Variants in KSR2 observed in about 807,000 individuals in gnomAD.
KSR2 encodes kinase suppressor of ras 2.
A neutral mutation model predicts 107.8 loss-of-function variants in KSR2; 25 were observed. The ratio of observed to expected loss-of-function variants is 0.23; its 90% CI spans 0.17 to 0.32. The LOEUF is 0.32. Among genes scored for constraint, KSR2 ranks in the 10% least tolerant of loss-of-function variants. KSR2 has a pLI of 1.00. For synonymous variants in KSR2, 480 were observed against 507.0 expected (o/e 0.95, Z 0.71); for missense variants, 887 against 1,268.9 (o/e 0.70, Z 4.57).
chr12:117,560,330 T>G (rs935450248), intron 7 of KSR2, among the ~76,000 whole-genome samples: 2 of 151,958 alleles, frequency 1.3e-5, no homozygotes, highest in African/African-American at 4.8e-5. Flanking sequence ...TTTCCCCAGT[T>G]TTTCTCTTGT....
chr12:117,721,413 T>C (rs1342368247), intron 4 of KSR2, among the ~76,000 whole-genome samples: 1 of 152,230 alleles, frequency 6.6e-6, no homozygotes, highest in Non-Finnish European at 1.5e-5. Context: ...GTCAGAATAA[T>C]ACTATTAATG....
At chr12:117,809,187 C>T (rs1013038521) in intron 3 of KSR2, among the ~76,000 whole-genome samples, 2 of 152,202 alleles carry the variant, frequency 1.3e-5, no homozygotes, top group African/African-American at 4.8e-5. Flanking sequence ...ATTACCTTAA[C>T]TAATACATCA....
At position 117,582,351 on chromosome 12, in the gene KSR2, A is replaced by G; in HGVS notation, c.1180T>C (p.Ser394Pro). The change falls in exon 6 of 20, where the codon TCA becomes CCA. Residue 394 changes from serine (S) to proline (P), a missense_variant. Coordinates refer to ENST00000339824, the MANE Select transcript of KSR2 (RefSeq NM_173598.6). ...ATCTGCGGGGACCAGCGTGGCACTGACAGTGTGTCTACAGAGAGAAGAGAA... is the reference window on the plus strand; with the variant it reads ...ATCTGCGGGGACCAGCGTGGCACTGGCAGTGTGTCTACAGAGAGAAGAGAA... ...TEANFSANTL[S>P]VPRWSPQIPR... The G allele has an allele frequency of 6.2e-7, 1 of 1,613,592 alleles. No individual in the cohort carries two copies. The highest frequency in any genetic ancestry group is 8.5e-7 in the Non-Finnish European group (1 of 1,179,646).
chr12:117,904,054 T>C (rs1353307467), intron 1 of KSR2, among the ~76,000 whole-genome samples: 2 of 152,062 alleles, frequency 1.3e-5, no homozygotes, highest in East Asian at 3.9e-4. Context: ...GATTCCGTGA[T>C]ATCTTGTCTC....
intron 1 of KSR2, among the ~76,000 whole-genome samples, chr12:117,895,896 T>G (rs1021785381): frequency 6.6e-6 from 1 of 152,126 alleles, no homozygotes; most frequent in African/African-American, 2.4e-5. Flanking sequence ...TCATCTCTAC[T>G]AAAAATACAA....
At chr12:117,668,816 A>C (rs938104084) in intron 4 of KSR2, among the ~76,000 whole-genome samples, 1 of 152,164 alleles carries the variant, frequency 6.6e-6, no homozygotes, top group African/African-American at 2.4e-5. Context: ...AAGCTTCAGG[A>C]AAGTTTGGTT....
intron 1 of KSR2, among the ~76,000 whole-genome samples, chr12:117,913,366 C>G (rs1895080565): frequency 6.6e-6 from 1 of 152,136 alleles, no homozygotes; most frequent in Non-Finnish European, 1.5e-5. Context: ...TCTACCTTTC[C>G]ACATATCTAA....
intron 9 of KSR2, among the ~76,000 whole-genome samples, chr12:117,554,065 A>C (rs1171777488): frequency 6.6e-6 from 1 of 152,224 alleles, no homozygotes; most frequent in East Asian, 1.9e-4. Context: ...ATAGCAATGC[A>C]AATGGACTTA....
At chr12:117,956,882 A>G (rs956431646) in intron 1 of KSR2, among the ~76,000 whole-genome samples, 1 of 152,228 alleles carries the variant, frequency 6.6e-6, no homozygotes, top group African/African-American at 2.4e-5. Context: ...ACATGTGGCA[A>G]GTGGCTGCCA....
At chr12:117,918,816 A>C (rs1385255679) in intron 1 of KSR2, among the ~76,000 whole-genome samples, 1 of 147,868 alleles carries the variant, frequency 6.8e-6, no homozygotes. Flanking sequence ...TATCTTTTAA[A>C]CTTTTTCTGC....
chr12:117,687,319 C>G (rs1405513814), intron 4 of KSR2, among the ~76,000 whole-genome samples: 2 of 152,188 alleles, frequency 1.3e-5, no homozygotes, highest in Non-Finnish European at 2.9e-5. Flanking sequence ...TCTAATAATT[C>G]AGTCGTGGCT....
intron 5 of KSR2, among the ~76,000 whole-genome samples, chr12:117,665,461 T>A (rs1227236706): frequency 1.3e-5 from 2 of 152,102 alleles, no homozygotes; most frequent in African/African-American, 2.4e-5. Flanking sequence ...CATTCACTCA[T>A]AGGATGGCGA....
Position 117,465,933 on chromosome 12 carries a change from C to T in KSR2, c.*1266G>A, listed in dbSNP as rs1871124156. The T allele has an allele frequency of 6.6e-6, 1 of 152,198 alleles. No individual in the cohort carries two copies. Among genetic ancestry groups the T allele is most frequent in the African/African-American group, 2.4e-5 (1 of 41,420 alleles). 9.4% of individuals were successfully genotyped at this position (152,198 alleles called of 1,614,324 possible). A position where few individuals can be genotyped will look rare whatever the true frequency, so the allele number is the denominator to read the frequency against. On this transcript the variant is annotated 3_prime_UTR_variant, in exon 20 of 20. Transcript: ENST00000339824. ...TCCTACAGATACAGAACACCAGGGG[C>T]TTCCCCAACATGGTCAGGAAGAGTC...
intron 5 of KSR2, among the ~76,000 whole-genome samples, chr12:117,647,491 C>A (rs1883704630): frequency 6.6e-6 from 1 of 152,128 alleles, no homozygotes; most frequent in Non-Finnish European, 1.5e-5. Context: ...TGTGGCACGT[C>A]CACGCAAGGC....
At chr12:117,949,743 G>C (rs183088141) in intron 1 of KSR2, among the ~76,000 whole-genome samples, 1 of 152,162 alleles carries the variant, frequency 6.6e-6, no homozygotes. Flanking sequence ...AGAAAAATTG[G>C]TTGATTTAAA....
chr12:117,647,199 AG>A (rs1883687596), intron 5 of KSR2, among the ~76,000 whole-genome samples: 1 of 152,214 alleles, frequency 6.6e-6, no homozygotes. Flanking sequence ...CTCCCTGTTA[AG>A]GTAGGAGAGA....
intron 3 of KSR2, among the ~76,000 whole-genome samples, chr12:117,819,245 G>T (rs1015722986): frequency 1.3e-5 from 2 of 152,106 alleles, no homozygotes; most frequent in Non-Finnish European, 2.9e-5. Flanking sequence ...GAGTTATTTG[G>T]GAGGAAGTTC....
chr12:117,551,474 T>C (rs1484891512), intron 9 of KSR2, among the ~76,000 whole-genome samples: 4 of 152,180 alleles, frequency 2.6e-5, no homozygotes, highest in African/African-American at 9.7e-5. Flanking sequence ...AAAGGAAAAC[T>C]AAGGCAGACA....
chr12:117,913,377 C>T (rs1043892973), intron 1 of KSR2, among the ~76,000 whole-genome samples: 1 of 152,142 alleles, frequency 6.6e-6, no homozygotes, highest in Non-Finnish European at 1.5e-5. Flanking sequence ...ACATATCTAA[C>T]CTCTCCCCCT....
Sources: gnomAD v4.1 joint callset for allele counts (sites outside exome capture counted in the v4.1 genomes callset) on GRCh38, gnomAD v4.1.1 for gene constraint, MANE v1.5 for transcripts, NCBI Gene and HGNC (gene_info 2026-07-23, HGNC 2026-07-21) for gene names.